Variants in KDM4C observed in about 807,000 individuals in gnomAD.
KDM4C encodes lysine-specific demethylase 4C.
Under a neutral mutation model 129.3 loss-of-function variants are expected in KDM4C, and 81 were observed. The ratio of observed to expected loss-of-function variants is 0.63; its 90% CI spans 0.52 to 0.75. The LOEUF (loss-of-function observed/expected upper bound fraction) is 0.75. Ranked by LOEUF, KDM4C falls within the 30% of genes least tolerant of loss-of-function variation. The pLI is 0.00. For synonymous variants in KDM4C, 573 were observed against 456.1 expected, an observed-to-expected ratio of 1.26 and a Z score of -3.26; for missense variants, 1,457 against 1,304.0, an observed-to-expected ratio of 1.12 and a Z score of -1.81.
intron 20 of KDM4C, among the ~76,000 whole-genome samples, chr9:7,165,867 A>C (rs1844327939): frequency 6.6e-6 from 1 of 152,218 alleles, no homozygotes; most frequent in Admixed American, 6.5e-5. Context: ...CCCAAGCTTA[A>C]AGGAATGCTT....
chr9:6,798,599 C>G (rs1828215061), intron 2 of KDM4C, among the ~76,000 whole-genome samples: 1 of 152,204 alleles, frequency 6.6e-6, no homozygotes, highest in Non-Finnish European at 1.5e-5. Context: ...AAGAATTTTT[C>G]TTAGTATAGA....
chr9:7,013,466 G>T (rs1823066104), intron 13 of KDM4C, among the ~76,000 whole-genome samples: 1 of 152,154 alleles, frequency 6.6e-6, no homozygotes, highest in Non-Finnish European at 1.5e-5. Context: ...AAACAGATCT[G>T]TTAACTCTAG....
intron 5 of KDM4C, among the ~76,000 whole-genome samples, chr9:6,867,438 A>G (rs1370663501): frequency 6.6e-6 from 1 of 152,268 alleles, no homozygotes; most frequent in Non-Finnish European, 1.5e-5. Context: ...TCATTTGGAA[A>G]GAGTAATGTT....
chr9:6,994,874 G>T (rs911626947), intron 12 of KDM4C, among the ~76,000 whole-genome samples: 1 of 152,140 alleles, frequency 6.6e-6, no homozygotes, highest in South Asian at 2.1e-4. Flanking sequence ...CTACCACTGT[G>T]CCAACTTCTA....
chr9:6,919,299 C>A (rs1299322960), intron 8 of KDM4C, among the ~76,000 whole-genome samples: 1 of 110,942 alleles, frequency 9.0e-6, no homozygotes, highest in Non-Finnish European at 1.9e-5. Flanking sequence ...TTCTTTCTTT[C>A]TTTCATTGAG....
intron 8 of KDM4C, among the ~76,000 whole-genome samples, chr9:6,957,983 G>C (rs1829368272): frequency 6.6e-6 from 1 of 152,158 alleles, no homozygotes; most frequent in Admixed American, 6.5e-5. Context: ...TGGGTGGTGA[G>C]ACGGTGTGAC....
At chr9:7,045,272 C>G (rs1023607849) in intron 15 of KDM4C, among the ~76,000 whole-genome samples, 5 of 151,998 alleles carry the variant, frequency 3.3e-5, no homozygotes, top group South Asian at 2.1e-4. Context: ...CTGCTACTTT[C>G]ATTAATCAGA....
chr9:7,163,556 G>A (rs542778308), intron 19 of KDM4C, among the ~76,000 whole-genome samples: 1 of 152,228 alleles, frequency 6.6e-6, no homozygotes, highest in South Asian at 2.1e-4. Context: ...ACCTCCTGCC[G>A]CCACACTTAC....
At chr9:7,031,080 G>C (rs918523314) in intron 15 of KDM4C, among the ~76,000 whole-genome samples, 5 of 151,692 alleles carry the variant, frequency 3.3e-5, no homozygotes, top group East Asian at 1.9e-4. Flanking sequence ...AACATGAAAT[G>C]GGTTTCCAAC....
chr9:6,735,063 G>T, intron 1 of KDM4C: 1 of 443,822 alleles, frequency 2.3e-6, no homozygotes, highest in Non-Finnish European at 4.4e-6. Flanking sequence ...ATGCTCCAAA[G>T]TTCAAATCTT....
intron 2 of KDM4C, 39 bp downstream of exon 2, chr9:6,793,171 T>C: frequency 6.3e-7 from 1 of 1,592,228 alleles, no homozygotes; most frequent in Non-Finnish European, 8.6e-7. Flanking sequence ...AAACAATCAC[T>C]TGGCCTTTAA....
intron 17 of KDM4C, among the ~76,000 whole-genome samples, chr9:7,063,935 A>G (rs943048397): frequency 6.6e-6 from 1 of 152,200 alleles, no homozygotes; most frequent in African/African-American, 2.4e-5. Context: ...AAGAAGTTCT[A>G]GGTTCTAGGA....
chr9:6,872,175 G>T (rs1842899440), intron 5 of KDM4C, among the ~76,000 whole-genome samples: 1 of 152,194 alleles, frequency 6.6e-6, no homozygotes, highest in South Asian at 2.1e-4. Context: ...GGTCTTGAAA[G>T]CCAGGCAGTG....
intron 8 of KDM4C, among the ~76,000 whole-genome samples, chr9:6,937,876 T>TAATTTTTG (rs1412154617): frequency 6.6e-6 from 1 of 152,108 alleles, no homozygotes; most frequent in Non-Finnish European, 1.5e-5. Flanking sequence ...TGTGGCCAGC[T>TAATTTTTG]AATTTTTGAA....
chr9:7,153,352 T>G (rs1346440759), intron 19 of KDM4C, among the ~76,000 whole-genome samples: 1 of 152,212 alleles, frequency 6.6e-6, no homozygotes, highest in Non-Finnish European at 1.5e-5. Flanking sequence ...AGTAGCCCCC[T>G]TGAGAGGCCA....
At chr9:7,019,342 T>C (rs1824241012) in intron 15 of KDM4C, among the ~76,000 whole-genome samples, 1 of 152,112 alleles carries the variant, frequency 6.6e-6, no homozygotes, top group African/African-American at 2.4e-5. Context: ...TCCTTGTAAA[T>C]AAAGGGCTCT....
intron 19 of KDM4C, among the ~76,000 whole-genome samples, chr9:7,149,725 T>C (rs567567016): frequency 0.012 from 1,827 of 152,340 alleles, 45 homozygotes; most frequent in African/African-American, 0.041. Context: ...GTGGTGGCAG[T>C]GGTGATTATG....
At chr9:7,097,530 C>A (rs1310011199) in intron 17 of KDM4C, among the ~76,000 whole-genome samples, 1 of 152,172 alleles carries the variant, frequency 6.6e-6, no homozygotes, top group East Asian at 1.9e-4. Context: ...GTCATACCTG[C>A]TTCCTTGTCC....
intron 17 of KDM4C, 75 bp from the exon 18 acceptor site, chr9:7,103,594 TTCTTCTCTAGTAGCTA>T: frequency 1.3e-5 from 13 of 968,990 alleles, no homozygotes; most frequent in Non-Finnish European, 2.0e-5. Context: ...TTTTTTTTTT[TTCTTCTCTAGTAGCTA>T]TTGTTCTGTA....
Sources: allele counts gnomAD v4.1 joint callset (sites outside exome capture counted in the v4.1 genomes callset), GRCh38; gene constraint gnomAD v4.1.1; transcripts MANE v1.5; gene names NCBI Gene and HGNC (gene_info 2026-07-23, HGNC 2026-07-21).